Variants in ADGRF5 observed in about 807,000 individuals in gnomAD.
ADGRF5 encodes the protein adhesion G protein-coupled receptor F5.
Under a neutral mutation model 132.3 loss-of-function variants are expected in ADGRF5, and 75 were observed. The ratio of observed to expected loss-of-function variants is 0.57; its 90% CI spans 0.47 to 0.69. The LOEUF (loss-of-function observed/expected upper bound fraction) is 0.69, where lower values mean the gene tolerates loss of function less well. ADGRF5 is among the 30% of genes least tolerant of loss of function. The probability of loss-of-function intolerance (pLI) is 0.00; values close to 1 mark genes in which losing one functional copy is unlikely to be tolerated. For missense variants in ADGRF5, 1,516 were observed against 1,630.6 expected (o/e 0.93, Z 1.21); for synonymous variants, 629 against 597.6 (o/e 1.05, Z -0.77).
At chr6:46,953,029 C>A (rs559065669) in intron 1 of ADGRF5, among the ~76,000 whole-genome samples, 10 of 152,090 alleles carry the variant, frequency 6.6e-5, no homozygotes, top group Admixed American at 2.6e-4. Flanking sequence ...GGCATTAGAG[C>A]ATTCAAATAT....
At chr6:46,887,360 T>G (rs1773161732) in intron 4 of ADGRF5, among the ~76,000 whole-genome samples, 1 of 152,066 alleles carries the variant, frequency 6.6e-6, no homozygotes, top group African/African-American at 2.4e-5. Flanking sequence ...CCTAGTTCGG[T>G]GAGATGTTCT....
intron 3 of ADGRF5, among the ~76,000 whole-genome samples, chr6:46,894,389 G>T (rs112764848): frequency 4.4e-4 from 67 of 151,728 alleles, no homozygotes; most frequent in South Asian, 3.8e-3. Flanking sequence ...GTAGATGGAG[G>T]AGAAAGTGGG....
intron 12 of ADGRF5, 105 bp downstream of exon 12, chr6:46,868,778 G>T (rs1770738133): frequency 5.8e-6 from 4 of 691,502 alleles, no homozygotes; most frequent in African/African-American, 1.8e-5. Flanking sequence ...ATTTAAAGTG[G>T]TTGGCATAGG....
intron 1 of ADGRF5, among the ~76,000 whole-genome samples, chr6:46,935,078 A>C (rs1777752651): frequency 7.5e-6 from 1 of 133,250 alleles, no homozygotes; most frequent in South Asian, 2.3e-4. Flanking sequence ...ATCTTGGCTC[A>C]CTGCAACCTC....
At chr6:46,861,918 C>G (rs1357991689) in intron 15 of ADGRF5, among the ~76,000 whole-genome samples, 2 of 151,848 alleles carry the variant, frequency 1.3e-5, no homozygotes, top group Admixed American at 1.3e-4. Context: ...TCATCAAGGT[C>G]CAGCTCAGAT....
At chr6:46,909,585 G>T (rs1195690019) in intron 1 of ADGRF5, among the ~76,000 whole-genome samples, 1 of 152,196 alleles carries the variant, frequency 6.6e-6, no homozygotes, top group East Asian at 1.9e-4. Context: ...AATGATCTGG[G>T]TTCCCTGAAG....
At chr6:46,941,416 G>GAA (rs1554129996) in intron 1 of ADGRF5, among the ~76,000 whole-genome samples, 23 of 36,056 alleles carry the variant, frequency 6.4e-4, no homozygotes, top group East Asian at 5.7e-3. Context: ...GAAAAGAAAA[G>GAA]AAAAGAAAAG....
At chr6:46,919,614 T>C (rs1033612921) in intron 1 of ADGRF5, among the ~76,000 whole-genome samples, 1 of 152,270 alleles carries the variant, frequency 6.6e-6, no homozygotes, top group East Asian at 1.9e-4. Context: ...ACTCAGTAAG[T>C]GAGGCAGTGT....
intron 14 of ADGRF5, among the ~76,000 whole-genome samples, chr6:46,864,046 AC>A (rs1200850893): frequency 6.6e-6 from 1 of 152,188 alleles, no homozygotes; most frequent in African/African-American, 2.4e-5. Context: ...CTTGGTGATA[AC>A]GATCCTTTGT....
chr6:46,906,513 A>G, intron 2 of ADGRF5, 148 bp downstream of exon 2: 1 of 611,836 alleles, frequency 1.6e-6, no homozygotes, highest in Non-Finnish European at 2.9e-6. Context: ...CTCATTTGCA[A>G]CATTTTTTCT....
chr6:46,953,510 T>A (rs1053296980), intron 1 of ADGRF5, among the ~76,000 whole-genome samples: 8 of 151,232 alleles, frequency 5.3e-5, no homozygotes, highest in Non-Finnish European at 8.8e-5. Context: ...TAGTCCCAGC[T>A]ACTTGGGAGG....
At chr6:46,855,053 C>T (rs1562130362) in intron 20 of ADGRF5, among the ~76,000 whole-genome samples, 2 of 152,162 alleles carry the variant, frequency 1.3e-5, no homozygotes, top group South Asian at 2.1e-4. Context: ...AATCCTGGGG[C>T]TTATTTTCCT....
At chr6:46,854,722 T>C (rs1477805175) in intron 20 of ADGRF5, 6 of 1,286,030 alleles carry the variant, frequency 4.7e-6, no homozygotes, top group Middle Eastern at 3.3e-4. Context: ...TACCATCAGA[T>C]TGCTGAACTG....
At position 46,858,886 on chromosome 6, in the gene ADGRF5, G is replaced by T. The variant is rs771474230; in HGVS notation, c.3017C>A (p.Ser1006Tyr). ...LMSPDSPDPS[S>Y]LLGILLDIIS... Reference sequence around the variant, plus strand: ...AATATCCAGGAGTATTCCCAGGAGAGAACTAGGATCTGGGGAGTCAGGGGA... The same window carrying T: ...AATATCCAGGAGTATTCCCAGGAGATAACTAGGATCTGGGGAGTCAGGGGA... Residue 1006 changes from serine to tyrosine, a missense_variant, in exon 17 of 21, where the codon TCT (serine) becomes TAT (tyrosine). Physicochemically the swap from Ser to Tyr is moderately radical, Grantham distance 144. Coordinates refer to ENST00000283296, the MANE Select transcript of ADGRF5 (RefSeq NM_001098518.2). 1.2e-6 allele frequency: 2 copies of T among 1,614,056 alleles called. No homozygotes were observed. The highest frequency in any genetic ancestry group is 1.3e-5 in the African/African-American group (1 of 75,030).
intron 3 of ADGRF5, among the ~76,000 whole-genome samples, chr6:46,892,036 G>T (rs988258433): frequency 2.6e-5 from 4 of 152,032 alleles, no homozygotes; most frequent in Non-Finnish European, 5.9e-5. Flanking sequence ...TCAATTATTT[G>T]AAACAGGCTC....
rs9381491 is a variant in ADGRF5 at position 46,945,486 on chromosome 6, G to A, written c.-25+9248C>T. 2.8e-4 allele frequency among the ~76,000 whole-genome samples: 42 copies of A among 152,270 alleles called. No homozygotes were observed. The East Asian group carries it at 6.8e-3, about 24-fold the overall frequency. On this transcript the variant is annotated intron_variant, in intron 1 of 20. Coordinates refer to the ADGRF5 transcript ENST00000265417. ...ATGTGCCAGGTACTGTGCTAGGGGC[G>A]AGGAGTAAAAAGATGAATAAGATGG...
upstream of ADGRF5, among the ~76,000 whole-genome samples, chr6:46,926,497 C>A (rs1361747446): frequency 6.6e-6 from 1 of 151,700 alleles, no homozygotes; most frequent in Non-Finnish European, 1.5e-5. Flanking sequence ...GGGGGCAGTG[C>A]AGATTTGAGG....
chr6:46,936,326 G>T (rs1433164816), intron 1 of ADGRF5, among the ~76,000 whole-genome samples: 1 of 152,084 alleles, frequency 6.6e-6, no homozygotes, highest in East Asian at 1.9e-4. Flanking sequence ...CAGACTTTGT[G>T]GTTTCGCTGT....
intron 1 of ADGRF5, among the ~76,000 whole-genome samples, chr6:46,952,319 A>G (rs2113848766): frequency 6.6e-6 from 1 of 152,344 alleles, no homozygotes; most frequent in African/African-American, 2.4e-5. Context: ...GATGACAAAA[A>G]GTAAGTCCTC....
Sources: gnomAD v4.1 joint callset for allele counts (sites outside exome capture counted in the v4.1 genomes callset) on GRCh38, gnomAD v4.1.1 for gene constraint, MANE v1.5 for transcripts, NCBI Gene and HGNC (gene_info 2026-07-23, HGNC 2026-07-21) for gene names.